Variants in GULP1 observed in about 807,000 individuals in gnomAD.
GULP1 encodes PTB domain-containing engulfment adapter protein 1.
A neutral mutation model predicts 40.9 loss-of-function variants in GULP1; 19 were observed. The ratio of observed to expected loss-of-function variants is 0.46; its 90% confidence interval spans 0.32 to 0.68. The LOEUF (loss-of-function observed/expected upper bound fraction) is 0.68, where lower values mean the gene tolerates loss of function less well. GULP1 is among the 30% of genes least tolerant of loss of function. GULP1 has a pLI of 0.03. For missense variants in GULP1, 312 were observed against 362.2 expected (o/e 0.86, Z 1.12); for synonymous variants, 119 against 117.6 (o/e 1.01, Z -0.08).
chr2:188,430,740 C>G (rs529282378), intron 2 of GULP1, among the ~76,000 whole-genome samples: 13 of 152,302 alleles, frequency 8.5e-5, no homozygotes, highest in Non-Finnish European at 1.3e-4. Flanking sequence ...AACTCCTTTT[C>G]CTCAAAGCCA....
chr2:188,385,503 T>C (rs567308409), intron 2 of GULP1, among the ~76,000 whole-genome samples: 1 of 152,332 alleles, frequency 6.6e-6, no homozygotes, highest in South Asian at 2.1e-4. Context: ...ATTATCTTGA[T>C]GATTAACATT....
At chr2:188,302,840 A>G (rs2036375824) in intron 1 of GULP1, among the ~76,000 whole-genome samples, 1 of 152,140 alleles carries the variant, frequency 6.6e-6, no homozygotes, top group Admixed American at 6.6e-5. Context: ...CCCAGATGAT[A>G]TCTCATCACC....
chr2:188,513,769 TA>T (rs201490436), intron 4 of GULP1, among the ~76,000 whole-genome samples: 26 of 151,634 alleles, frequency 1.7e-4, no homozygotes, highest in Admixed American at 7.9e-4. Flanking sequence ...TGATATTTCT[TA>T]AAAAAAAATT....
At position 188,594,943 on chromosome 2, in the gene GULP1, G is replaced by T. The variant is rs1355644004; in HGVS notation, c.*932G>T. ...GATATTTTTCACCAAAGTTTATTTT[G>T]TGATGCCCTCTTGGTTTTGATACTT... On this transcript the variant is annotated 3_prime_UTR_variant, in exon 12 of 12. Coordinates refer to ENST00000409830, the MANE Select transcript of GULP1 (RefSeq NM_016315.4). The T allele has an allele frequency of 6.6e-6, 1 of 150,406 alleles. No individual in the cohort carries two copies. Among genetic ancestry groups the T allele is most frequent in the Non-Finnish European group, 1.5e-5 (1 of 67,422 alleles). The allele number at this position is 150,406 out of a possible 1,614,324, so 9.3% of individuals were successfully genotyped here. A position where few individuals can be genotyped will look rare whatever the true frequency, so the allele number is the denominator to read the frequency against.
intron 7 of GULP1, among the ~76,000 whole-genome samples, chr2:188,548,633 A>G (rs1692596219): frequency 6.6e-6 from 1 of 152,038 alleles, no homozygotes; most frequent in South Asian, 2.1e-4. Flanking sequence ...AATTTCAAAA[A>G]AAGAGCAGTG....
chr2:188,341,194 G>T (rs1327814682), intron 1 of GULP1, among the ~76,000 whole-genome samples: 1 of 152,050 alleles, frequency 6.6e-6, no homozygotes, highest in Non-Finnish European at 1.5e-5. Context: ...GCATCTACTT[G>T]GCTTCCGGGG....
chr2:188,298,080 T>C (rs1056444267), intron 1 of GULP1, among the ~76,000 whole-genome samples: 1 of 152,100 alleles, frequency 6.6e-6, no homozygotes, highest in Non-Finnish European at 1.5e-5. Flanking sequence ...GTAAAGTATC[T>C]TTGAAGGTCA....
chr2:188,368,716 T>A (rs1304346494), intron 1 of GULP1, among the ~76,000 whole-genome samples: 1 of 151,788 alleles, frequency 6.6e-6, no homozygotes, highest in Non-Finnish European at 1.5e-5. Context: ...AAAGAAAAGA[T>A]AACCACAGCA....
At chr2:188,428,508 A>G (rs536095418) in intron 2 of GULP1, among the ~76,000 whole-genome samples, 1 of 152,202 alleles carries the variant, frequency 6.6e-6, no homozygotes, top group Non-Finnish European at 1.5e-5. Context: ...CTCATGGTTT[A>G]ACGTAATTTT....
At chr2:188,538,694 A>AGTGTGTGTGTGAGTGTGTGT (rs1553592803) in intron 6 of GULP1, among the ~76,000 whole-genome samples, 1 of 144,726 alleles carries the variant, frequency 6.9e-6, no homozygotes, top group African/African-American at 2.5e-5. Context: ...TGTGTGTGTG[A>AGTGTGTGTGTGAGTGTGTGT]GTGTGTGTGT....
chr2:188,424,339 C>A (rs1426080201), intron 2 of GULP1, among the ~76,000 whole-genome samples: 4 of 151,718 alleles, frequency 2.6e-5, no homozygotes, highest in Non-Finnish European at 4.4e-5. Context: ...AAGTTTCAAG[C>A]AGGAACAAAA....
At chr2:188,494,014 A>C (rs2062662109) in intron 4 of GULP1, among the ~76,000 whole-genome samples, 1 of 152,036 alleles carries the variant, frequency 6.6e-6, no homozygotes, top group Non-Finnish European at 1.5e-5. Flanking sequence ...CTTCTTAGCC[A>C]GTCTCTGGAT....
At chr2:188,478,195 A>G (rs1224425134) in intron 3 of GULP1, among the ~76,000 whole-genome samples, 1 of 152,122 alleles carries the variant, frequency 6.6e-6, no homozygotes, top group African/African-American at 2.4e-5. Flanking sequence ...TGAGGCCACA[A>G]TAAGTTTGTT....
chr2:188,541,394 A>G (rs776766003), intron 7 of GULP1, 76 bp downstream of exon 7: 5 of 1,179,182 alleles, frequency 4.2e-6, no homozygotes, highest in Non-Finnish European at 5.1e-6. Flanking sequence ...GGCATTGGCA[A>G]AGTATTTGAA....
intron 1 of GULP1, among the ~76,000 whole-genome samples, chr2:188,314,002 TA>T (rs1415164296): frequency 1.6e-4 from 24 of 146,936 alleles, no homozygotes; most frequent in South Asian, 4.4e-4. Flanking sequence ...AAAGGAAAAT[TA>T]AAAAAAAAAC....
chr2:188,368,255 T>C (rs982308851), intron 1 of GULP1, among the ~76,000 whole-genome samples: 1 of 152,194 alleles, frequency 6.6e-6, no homozygotes, highest in African/African-American at 2.4e-5. Flanking sequence ...GTGTTTTTTC[T>C]GCGACATTGA....
intron 2 of GULP1, among the ~76,000 whole-genome samples, chr2:188,447,334 T>C (rs1334320029): frequency 1.3e-5 from 2 of 152,182 alleles, no homozygotes; most frequent in Non-Finnish European, 2.9e-5. Context: ...CATGTCCATC[T>C]TCCAGCCCCC....
At chr2:188,459,916 A>G (rs1243701931) in intron 2 of GULP1, among the ~76,000 whole-genome samples, 2 of 152,010 alleles carry the variant, frequency 1.3e-5, no homozygotes, top group Non-Finnish European at 2.9e-5. Flanking sequence ...TTCCCAGTGT[A>G]TGTTTTTGGC....
rs778848433 is a variant in GULP1 at position 188,541,276 on chromosome 2, G to C, written c.357G>C (p.Glu119Asp). The C allele has an allele frequency of 6.2e-7, 1 of 1,612,380 alleles. No homozygotes were observed. The highest frequency in any genetic ancestry group is 1.7e-5 in the Admixed American group (1 of 60,018). Reference sequence around the variant, plus strand: ...TCACTTTCATATGCAAAGATTCTGAGTCAAATAAACATTTGTGCTATGTAT... The same window carrying C: ...TCACTTTCATATGCAAAGATTCTGACTCAAATAAACATTTGTGCTATGTAT... ...RIFTFICKDS[E>D]SNKHLCYVFD... is the part of the protein sequence containing the mutation. Residue 119 changes from glutamate to aspartate, a missense_variant, in exon 7 of 12, where the codon GAG (glutamate) becomes GAC (aspartate). By Grantham distance (45) the Glu-to-Asp change is conservative. Transcript: ENST00000409830.
Sources: allele counts gnomAD v4.1 joint callset (sites outside exome capture counted in the v4.1 genomes callset), GRCh38; gene constraint gnomAD v4.1.1; transcripts MANE v1.5; gene names NCBI Gene and HGNC (gene_info 2026-07-23, HGNC 2026-07-21).